DLG2: variants seen among roughly 807,000 people sequenced by gnomAD.
The protein encoded by DLG2 is discs large MAGUK scaffold protein 2, also known as disks large homolog 2.
In DLG2, 45 loss-of-function variants were observed where a neutral mutation model predicts 132.5. That is an observed-to-expected ratio of 0.34 (90% CI 0.27 to 0.44). The LOEUF (loss-of-function observed/expected upper bound fraction) is 0.44, where lower values mean the gene tolerates loss of function less well. Among genes scored for constraint, DLG2 ranks in the 20% least tolerant of loss-of-function variants. The pLI, the probability that DLG2 is intolerant of heterozygous loss-of-function variation, is 1.00. For missense variants in DLG2, 1,045 were observed against 1,196.9 expected, an observed-to-expected ratio of 0.87 and a Z score of 1.87; for synonymous variants, 424 against 419.6, an observed-to-expected ratio of 1.01 and a Z score of -0.13.
chr11:83,998,586 G>GTCCACAT (rs2094172778), intron 11 of DLG2, among the ~76,000 whole-genome samples: 1 of 152,156 alleles, frequency 6.6e-6, no homozygotes. Context: ...ATCTTTAGTG[G>GTCCACAT]TCCACATTCC....
At chr11:84,107,796 A>G (rs1051228365) in intron 9 of DLG2, among the ~76,000 whole-genome samples, 2 of 152,178 alleles carry the variant, frequency 1.3e-5, no homozygotes, top group African/African-American at 4.8e-5. Flanking sequence ...TATATTTAGA[A>G]GTCAGGACAT....
intron 4 of DLG2, among the ~76,000 whole-genome samples, chr11:85,233,833 A>G (rs2075435363): frequency 6.6e-6 from 1 of 151,214 alleles, no homozygotes; most frequent in African/African-American, 2.4e-5. Flanking sequence ...TGCTCCTGCA[A>G]TTAGGTATTG....
intron 7 of DLG2, among the ~76,000 whole-genome samples, chr11:84,474,480 C>G (rs1382906975): frequency 6.6e-6 from 1 of 152,010 alleles, no homozygotes; most frequent in Non-Finnish European, 1.5e-5. Context: ...GGCCCCAGGG[C>G]TGTTTTCTGG....
intron 3 of DLG2, among the ~76,000 whole-genome samples, chr11:85,341,725 A>G (rs1445856743): frequency 6.6e-6 from 1 of 152,192 alleles, no homozygotes; most frequent in Non-Finnish European, 1.5e-5. Flanking sequence ...ATTCTGAGAA[A>G]TGTGTCATTA....
chr11:83,458,000 ACT>A lies in DLG2; in HGVS notation c.*1816_*1817del, dbSNP rs1415535376. The stretch of plus-strand genomic sequence containing the variant: ...GAACAATGCCTGTTTTTGGAAAGAG[ACT>A]CTCATTCTAAGCTCCGATGTTCTTA... On this transcript the variant is annotated 3_prime_UTR_variant, in exon 28 of 28. Transcript: ENST00000376104. 1 of 152,292 alleles carries A rather than the reference ACT, an allele frequency of 6.6e-6. No individual in the cohort carries two copies. The allele number at this position is 152,292 out of a possible 1,614,324, so 9.4% of individuals were successfully genotyped here.
chr11:84,148,032 C>A (rs974359971), intron 9 of DLG2, among the ~76,000 whole-genome samples: 4 of 152,040 alleles, frequency 2.6e-5, no homozygotes, highest in African/African-American at 9.7e-5. Flanking sequence ...AAAACTGAGG[C>A]TTTAACGGGT....
At chr11:85,345,146 A>G (rs918252353) in intron 3 of DLG2, among the ~76,000 whole-genome samples, 13 of 152,166 alleles carry the variant, frequency 8.5e-5, no homozygotes, top group Non-Finnish European at 4.4e-5. Context: ...ATTTCAAATC[A>G]TTATGCACAC....
intron 4 of DLG2, among the ~76,000 whole-genome samples, chr11:85,269,765 T>C (rs1224716675): frequency 6.6e-6 from 1 of 152,202 alleles, no homozygotes; most frequent in Non-Finnish European, 1.5e-5. Flanking sequence ...TGTTCTGTTT[T>C]GTTTTGTGAT....
chr11:84,167,633 A>G (rs1359070584), intron 8 of DLG2, among the ~76,000 whole-genome samples: 3 of 152,080 alleles, frequency 2.0e-5, no homozygotes, highest in African/African-American at 4.8e-5. Flanking sequence ...TTGTAGCTTC[A>G]TTAAGGCTAA....
chr11:83,514,830 G>T (rs1041360893), intron 21 of DLG2, among the ~76,000 whole-genome samples: 1 of 152,114 alleles, frequency 6.6e-6, no homozygotes, highest in Admixed American at 6.6e-5. Flanking sequence ...GCTGGATTAC[G>T]TTTATTGATT....
At chr11:85,501,303 G>A (rs535585177) in intron 3 of DLG2, among the ~76,000 whole-genome samples, 146 of 151,802 alleles carry the variant, frequency 9.6e-4, no homozygotes, top group Non-Finnish European at 1.8e-3. Context: ...TAAGACCTAG[G>A]ACCATAAAAA....
At chr11:83,546,413 C>T (rs1190493076) in intron 19 of DLG2, among the ~76,000 whole-genome samples, 5 of 152,086 alleles carry the variant, frequency 3.3e-5, no homozygotes, top group African/African-American at 1.2e-4. Flanking sequence ...AACCACTTTA[C>T]CATAGATGGC....
intron 17 of DLG2, among the ~76,000 whole-genome samples, chr11:83,802,852 T>C (rs1314085792): frequency 6.6e-6 from 1 of 152,118 alleles, no homozygotes; most frequent in African/African-American, 2.4e-5. Context: ...CACAGTGAAT[T>C]GATAACAGAG....
At chr11:85,292,962 AG>A (rs1011725377) in intron 3 of DLG2, among the ~76,000 whole-genome samples, 2 of 152,122 alleles carry the variant, frequency 1.3e-5, no homozygotes, top group African/African-American at 4.8e-5. Context: ...TCATATCAAA[AG>A]GACATGTAAG....
chr11:84,552,094 CT>C (rs890392017), intron 6 of DLG2, among the ~76,000 whole-genome samples: 1 of 152,144 alleles, frequency 6.6e-6, no homozygotes, highest in Admixed American at 6.5e-5. Context: ...CAGTAACCCC[CT>C]GGCACATAGA....
intron 6 of DLG2, among the ~76,000 whole-genome samples, chr11:84,603,536 G>GA (rs2099580339): frequency 6.6e-6 from 1 of 151,896 alleles, no homozygotes; most frequent in Admixed American, 6.6e-5. Context: ...AACTGTGGAA[G>GA]AAAAAAGATA....
At chr11:84,416,385 T>A (rs530536313) in intron 7 of DLG2, among the ~76,000 whole-genome samples, 9 of 152,330 alleles carry the variant, frequency 5.9e-5, no homozygotes, top group African/African-American at 2.2e-4. Context: ...AACTGATTTT[T>A]TTTCCTTGTT....
chr11:84,962,889 G>A (rs1484388900), intron 6 of DLG2, among the ~76,000 whole-genome samples: 4 of 152,144 alleles, frequency 2.6e-5, no homozygotes, highest in South Asian at 2.1e-4. Context: ...AATGCAAAAA[G>A]CAGAGGTAAA....
intron 4 of DLG2, among the ~76,000 whole-genome samples, chr11:85,247,425 GA>G (rs1432490874): frequency 2.0e-5 from 3 of 151,912 alleles, no homozygotes; most frequent in Admixed American, 6.6e-5. Context: ...TCTTCTCAGT[GA>G]GTCCTTCCTG....
Sources: gnomAD v4.1 joint callset for allele counts (sites outside exome capture counted in the v4.1 genomes callset) on GRCh38, gnomAD v4.1.1 for gene constraint, MANE v1.5 for transcripts, NCBI Gene and HGNC (gene_info 2026-07-23, HGNC 2026-07-21) for gene names.